SLCO6A1: variants seen among roughly 807,000 people sequenced by gnomAD.
The protein encoded by SLCO6A1 is solute carrier organic anion transporter family member 6A1, also known as cancer/testis antigen 48.
SLCO6A1 carries 65 observed loss-of-function variants against 72.7 expected under a neutral mutation model. The ratio of observed to expected loss-of-function variants is 0.89; its 90% CI spans 0.73 to 1.10. The LOEUF (loss-of-function observed/expected upper bound fraction) is 1.10. SLCO6A1 is among the 50% of genes least tolerant of loss of function. The pLI is 0.00. For missense variants in SLCO6A1, 874 were observed against 872.6 expected, an observed-to-expected ratio of 1.00 and a Z score of -0.02; for synonymous variants, 314 against 298.2, an observed-to-expected ratio of 1.05 and a Z score of -0.55.
intron 12 of SLCO6A1, among the ~76,000 whole-genome samples, chr5:102,385,954 TACACAACACC>T (rs2112501635): frequency 6.6e-6 from 1 of 151,562 alleles, no homozygotes; most frequent in African/African-American, 2.4e-5. Flanking sequence ...GAATTACAAA[TACACAACACC>T]ACACCTGGTG....
intron 7 of SLCO6A1, among the ~76,000 whole-genome samples, chr5:102,420,533 T>C (rs181720989): frequency 1.2e-4 from 18 of 152,044 alleles, no homozygotes; most frequent in East Asian, 5.8e-4. Flanking sequence ...CATTGTTTTC[T>C]ATCCAAGAGT....
At chr5:102,420,067 T>G in intron 7 of SLCO6A1, 46 bp from the exon 8 acceptor site, 24 of 1,398,972 alleles carry the variant, frequency 1.7e-5, no homozygotes, top group Non-Finnish European at 2.3e-5. Flanking sequence ...AATCAGCTGA[T>G]AGTACAGATA....
intron 12 of SLCO6A1, among the ~76,000 whole-genome samples, chr5:102,376,952 C>A (rs1251302885): frequency 6.6e-6 from 1 of 151,960 alleles, no homozygotes; most frequent in Non-Finnish European, 1.5e-5. Flanking sequence ...TCACTTGAGG[C>A]CAGGAGTTCA....
chr5:102,481,685 C>A (rs1179865958), intron 1 of SLCO6A1, among the ~76,000 whole-genome samples: 1 of 152,156 alleles, frequency 6.6e-6, no homozygotes, highest in South Asian at 2.1e-4. Flanking sequence ...AAATAAGTAG[C>A]AATATCATCA....
At chr5:102,378,661 T>A (rs1488626237) in intron 12 of SLCO6A1, among the ~76,000 whole-genome samples, 4 of 152,202 alleles carry the variant, frequency 2.6e-5, no homozygotes, top group African/African-American at 9.7e-5. Flanking sequence ...TTCAACATAA[T>A]GTTTGTGTGA....
intron 10 of SLCO6A1, 69 bp downstream of exon 10, chr5:102,399,486 C>G: frequency 9.4e-7 from 1 of 1,061,714 alleles, no homozygotes; most frequent in Non-Finnish European, 1.2e-6. Context: ...CTACAATATT[C>G]TAAAATCTTT....
At chr5:102,458,312 A>G in intron 6 of SLCO6A1, 70 bp downstream of exon 6, 2 of 1,186,736 alleles carry the variant, frequency 1.7e-6, no homozygotes, top group Admixed American at 2.1e-5. Flanking sequence ...GGGTATTTTC[A>G]TAAGTTCATT....
chr5:102,427,097 AAAG>A (rs1161788580), intron 7 of SLCO6A1, among the ~76,000 whole-genome samples: 30 of 152,012 alleles, frequency 2.0e-4, no homozygotes, highest in Non-Finnish European at 4.3e-4. Flanking sequence ...TCATATAAAT[AAAG>A]AAGAAAAATA....
intron 1 of SLCO6A1, among the ~76,000 whole-genome samples, chr5:102,482,272 TAC>T (rs1752234075): frequency 2.0e-5 from 3 of 152,044 alleles, no homozygotes; most frequent in Non-Finnish European, 2.9e-5. Context: ...CCAGAACATA[TAC>T]ATATATAAAC....
intron 1 of SLCO6A1, among the ~76,000 whole-genome samples, chr5:102,485,410 G>A (rs1752405493): frequency 6.6e-6 from 1 of 152,106 alleles, no homozygotes; most frequent in Admixed American, 6.6e-5. Flanking sequence ...CAGAGGCCTT[G>A]GGCCATATTG....
At chr5:102,376,513 G>T (rs1745801984) in intron 12 of SLCO6A1, among the ~76,000 whole-genome samples, 1 of 152,010 alleles carries the variant, frequency 6.6e-6, no homozygotes, top group Non-Finnish European at 1.5e-5. Flanking sequence ...ATGTGTGTGT[G>T]CCAAACAATA....
intron 6 of SLCO6A1, among the ~76,000 whole-genome samples, chr5:102,451,707 G>A (rs1750427492): frequency 6.6e-6 from 1 of 152,134 alleles, no homozygotes; most frequent in South Asian, 2.1e-4. Flanking sequence ...ATCCCAGGTG[G>A]GCAACTGTCC....
intron 3 of SLCO6A1, among the ~76,000 whole-genome samples, chr5:102,476,757 G>T (rs891041875): frequency 9.9e-5 from 15 of 151,878 alleles, no homozygotes; most frequent in Admixed American, 6.6e-5. Context: ...AATTTGGGGT[G>T]CTCTAGCAAG....
intron 6 of SLCO6A1, among the ~76,000 whole-genome samples, chr5:102,443,499 T>C (rs1749952536): frequency 6.6e-6 from 1 of 152,210 alleles, no homozygotes; most frequent in Non-Finnish European, 1.5e-5. Flanking sequence ...GTGTCCTTAC[T>C]GGACATTGTT....
chr5:102,470,973 G>C (rs183471998), intron 4 of SLCO6A1, among the ~76,000 whole-genome samples: 64 of 152,172 alleles, frequency 4.2e-4, no homozygotes, highest in African/African-American at 1.5e-3. Context: ...CATGTGGACA[G>C]ACTCAGGACC....
intron 9 of SLCO6A1, among the ~76,000 whole-genome samples, chr5:102,407,186 G>C (rs1747718236): frequency 6.6e-6 from 1 of 152,144 alleles, no homozygotes; most frequent in South Asian, 2.1e-4. Context: ...GCTTGCCATT[G>C]CCATGGCGAC....
intron 3 of SLCO6A1, 125 bp downstream of exon 3, chr5:102,477,551 C>T: frequency 4.2e-6 from 3 of 708,872 alleles, no homozygotes; most frequent in South Asian, 2.8e-5. Context: ...TTTAGCATAC[C>T]AATTATCATT....
In SLCO6A1 at chr5:102,496,092, T is replaced by C. The variant is rs138756565; in HGVS notation, c.358+2395A>G. Among the ~76,000 whole-genome samples the C allele has an allele frequency of 2.2e-3, 335 of 152,324 alleles. 5 individuals carry two copies. The highest frequency in any genetic ancestry group is 7.8e-3 in the African/African-American group (324 of 41,572). ...GATGATAGTATTGTACTGATATTCCTGCCTGTGAGGAACGATGGTTATGTA... is the reference window on the plus strand; with the variant it reads ...GATGATAGTATTGTACTGATATTCCCGCCTGTGAGGAACGATGGTTATGTA... On this transcript the variant is annotated intron_variant, in intron 1 of 13. Coordinates refer to ENST00000506729, the MANE Select transcript of SLCO6A1 (RefSeq NM_173488.5).
At chr5:102,438,567 CA>C (rs1749668857) in intron 7 of SLCO6A1, 49 bp downstream of exon 7, 1 of 1,472,874 alleles carries the variant, frequency 6.8e-7, no homozygotes, top group African/African-American at 1.4e-5. Flanking sequence ...TAAGTACATA[CA>C]ATAAGACAGT....
Sources: allele counts gnomAD v4.1 joint callset (sites outside exome capture counted in the v4.1 genomes callset), GRCh38; gene constraint gnomAD v4.1.1; transcripts MANE v1.5; gene names NCBI Gene and HGNC (gene_info 2026-07-23, HGNC 2026-07-21).